The following MTCL1 variants were observed in gnomAD, a reference collection of about 807,000 sequenced individuals.
MTCL1 encodes the protein microtubule crosslinking factor 1, also known as microtubule cross-linking factor 1.
In MTCL1, 79 loss-of-function variants were observed where a neutral mutation model predicts 141.4. That is an observed-to-expected ratio of 0.56 (90% CI 0.47 to 0.67). The LOEUF is 0.67. Among genes scored for constraint, MTCL1 ranks in the 30% least tolerant of loss-of-function variants. The pLI, the probability that MTCL1 is intolerant of heterozygous loss-of-function variation, is 0.00. For synonymous variants in MTCL1, 914 were observed against 875.8 expected (o/e 1.04, Z -0.77); for missense variants, 2,177 against 2,113.9 (o/e 1.03, Z -0.59).
Position 8,828,813 on chromosome 18 carries a change from G to T in MTCL1, c.4723-95G>T, listed in dbSNP as rs891264735. ...GCGAGAGGGATGGTCCTCTACCTCC[G>T]GGCTTGCTGACTTTAAACCTTTATT... On this transcript the variant is annotated intron_variant, in intron 15 of 16. Coordinates refer to ENST00000359865, the Ensembl canonical transcript of MTCL1. The surrounding 1 kb of genome is among the most constrained non-coding windows in gnomAD (Gnocchi z 5.2). 3.1e-6 allele frequency: 5 copies of T among 1,587,458 alleles called. No individual in the cohort carries two copies. The East Asian group carries it at 1.1e-4, about 36-fold the overall frequency.
intron 5 of MTCL1, chr18:8,782,478 G>T (rs1420890896): frequency 1.3e-5 from 2 of 152,174 alleles, no homozygotes; most frequent in Non-Finnish European, 2.9e-5. Flanking sequence ...AAGGAGACCA[G>T]CCCTGCAAAG....
At chr18:8,720,112 T>C (rs1240644160) in intron 3 of MTCL1, 2 of 487,962 alleles carry the variant, frequency 4.1e-6, no homozygotes, top group Admixed American at 3.7e-5. Flanking sequence ...GTTCTGATAA[T>C]GCACCACCAT....
chr18:8,788,902 C>T (rs1294698756), intron 7 of MTCL1, among the ~76,000 whole-genome samples: 3 of 152,222 alleles, frequency 2.0e-5, no homozygotes, highest in Admixed American at 2.0e-4. Context: ...TAGCGAGATG[C>T]TCACACTGTG....
In MTCL1 at chr18:8,797,966, A is replaced by C. The variant is rs548262084; in HGVS notation, c.2242-131A>C. 4.8e-6 allele frequency: 4 copies of C among 834,580 alleles called. No individual in the cohort carries two copies. The South Asian group carries it at 7.1e-5, about 15-fold the overall frequency. 51.7% of individuals were successfully genotyped at this position (834,580 alleles called of 1,614,324 possible). On this transcript the variant is annotated intron_variant, in intron 9 of 16. Transcript: ENST00000359865. ...GTGAGATGGCCAAAATGAGCATTTT[A>C]GGGGTAAGGACTGAGAAGTATAGGC...
intron 4 of MTCL1, among the ~76,000 whole-genome samples, chr18:8,749,725 C>G (rs2096360717): frequency 1.3e-5 from 2 of 152,110 alleles, no homozygotes; most frequent in Admixed American, 6.5e-5. Context: ...GCCCTGGACC[C>G]CAGCGAACAG....
chr18:8,720,283 C>T, intron 3 of MTCL1, 55 bp from the exon 3 acceptor site: 1 of 1,584,042 alleles, frequency 6.3e-7, no homozygotes, highest in Non-Finnish European at 8.6e-7. Flanking sequence ...CTGATAGTAC[C>T]CTTAGCACAC....
chr18:8,756,083 G>A (rs957324198), intron 4 of MTCL1, among the ~76,000 whole-genome samples: 1 of 152,206 alleles, frequency 6.6e-6, no homozygotes, highest in Non-Finnish European at 1.5e-5. Flanking sequence ...GCTACAGTGG[G>A]CCAAGATCGC....
At chr18:8,826,272 T>C in intron 15 of MTCL1, 40 bp downstream of exon 14, 1 of 1,478,726 alleles carries the variant, frequency 6.8e-7, no homozygotes, top group Non-Finnish European at 9.1e-7. Flanking sequence ...CCCCACCAGC[T>C]CTTCCCTTTA....
In MTCL1 at chr18:8,831,761, A is replaced by G. The variant is rs1303278032; in HGVS notation, c.*173A>G. ...GGAGACCCGACGTCCTTGGAGGAGCATGGTGGCGAGGAGCCGCCCGAGGAG... is the reference window on the plus strand; with the variant it reads ...GGAGACCCGACGTCCTTGGAGGAGCGTGGTGGCGAGGAGCCGCCCGAGGAG... On this transcript the variant is annotated 3_prime_UTR_variant, in exon 17 of 17. Coordinates refer to ENST00000359865, the Ensembl canonical transcript of MTCL1. 24 of 1,550,294 alleles carry G rather than the reference A, an allele frequency of 1.5e-5. No homozygotes were observed. The South Asian group carries it at 2.4e-4, about 15-fold the overall frequency.
intron 15 of MTCL1, among the ~76,000 whole-genome samples, chr18:8,827,714 C>T (rs144155828): frequency 0.019 from 2,932 of 152,254 alleles, 40 homozygotes; most frequent in Middle Eastern, 0.051. Context: ...AAGCATTAAC[C>T]GGCTGTGTCT....
chr18:8,772,212 CAG>C (rs2096487784), intron 4 of MTCL1, among the ~76,000 whole-genome samples: 1 of 152,206 alleles, frequency 6.6e-6, no homozygotes, highest in Non-Finnish European at 1.5e-5. Context: ...CCCCAACCCT[CAG>C]GGGGCTTCCT....
chr18:8,773,257 C>A (rs984652943), intron 4 of MTCL1, among the ~76,000 whole-genome samples: 1 of 152,174 alleles, frequency 6.6e-6, no homozygotes, highest in Non-Finnish European at 1.5e-5. Flanking sequence ...GCACCCCCTG[C>A]CATGCTGCGG....
At chr18:8,756,219 G>C (rs575130366) in intron 4 of MTCL1, among the ~76,000 whole-genome samples, 11 of 152,132 alleles carry the variant, frequency 7.2e-5, no homozygotes, top group Admixed American at 6.6e-5. Context: ...TCTGGAGGTC[G>C]TCAGACCATG....
At chr18:8,786,654 G>A in intron 7 of MTCL1, 1 of 285,068 alleles carries the variant, frequency 3.5e-6, no homozygotes, top group Non-Finnish European at 7.0e-6. Context: ...CAGAGACCAT[G>A]GTTGGAAGTG....
chr18:8,783,785 A>G lies in MTCL1; in HGVS notation c.673A>G (p.Ile225Val), dbSNP rs377232155. Residue 225 changes from isoleucine (I) to valine (V), a missense_variant, in exon 6 of 17, where the codon ATC becomes GTC. Transcript: ENST00000359865. ...GGAAGCCAACATCTTGGGCCGGAAG[A>G]TCGTGGAGCTGGAGGTGGAGAACCG... The G allele has an allele frequency of 4.6e-5, 75 of 1,613,232 alleles. No homozygotes were observed. Among genetic ancestry groups the G allele is most frequent in the Non-Finnish European group, 5.6e-5 (66 of 1,179,920 alleles).
chr18:8,786,111 C>CCCCCCCCCCCA lies in MTCL1; in HGVS notation c.1887+30_1887+31insACCCCCCCCCC, dbSNP rs1568035234. ...CTGGAGGTCAGCGTGGGCAAGCAAT[C>CCCCCCCCCCCA]CCCCCCCCCCGCCCTCCCCCTCCTT... On this transcript the variant is annotated intron_variant, in intron 7 of 16. Coordinates refer to ENST00000359865, the Ensembl canonical transcript of MTCL1. The CCCCCCCCCCCA allele has an allele frequency of 2.8e-5, 32 of 1,128,898 alleles. No individual in the cohort carries two copies. The highest frequency in any genetic ancestry group is 2.4e-4 in the Middle Eastern group (1 of 4,102). The allele number at this position is 1,128,898 out of a possible 1,614,324, so 69.9% of individuals were successfully genotyped here. A position where few individuals can be genotyped will look rare whatever the true frequency, so the allele number is the denominator to read the frequency against.
At chr18:8,809,223 G>A (rs1350401987) in intron 11 of MTCL1, among the ~76,000 whole-genome samples, 1 of 152,188 alleles carries the variant, frequency 6.6e-6, no homozygotes, top group East Asian at 1.9e-4. Context: ...AGAATCGAAT[G>A]GATTAACCTG....
intron 4 of MTCL1, among the ~76,000 whole-genome samples, chr18:8,765,243 G>A (rs1371495903): frequency 6.6e-6 from 1 of 152,236 alleles, no homozygotes; most frequent in African/African-American, 2.4e-5. Context: ...TAGGAAGGTT[G>A]ATGCAGCCTG....
intron 4 of MTCL1, among the ~76,000 whole-genome samples, chr18:8,751,599 A>G (rs888281750): frequency 6.6e-6 from 1 of 152,184 alleles, no homozygotes; most frequent in Non-Finnish European, 1.5e-5. Context: ...TTTTAGCTCC[A>G]TTCCCTTCAA....
Sources: gnomAD v4.1 joint callset for allele counts (sites outside exome capture counted in the v4.1 genomes callset) on GRCh38, gnomAD v4.1.1 for gene constraint, Gnocchi (gnomAD v3.1) non-coding constraint, MANE v1.5 for transcripts, NCBI Gene and HGNC (gene_info 2026-07-23, HGNC 2026-07-21) for gene names.